The following PHEX variants were observed in gnomAD, a reference collection of about 807,000 sequenced individuals.
PHEX encodes phosphate regulating endopeptidase X-linked.
A neutral mutation model predicts 68.0 loss-of-function variants in PHEX; 16 were observed. That is an observed-to-expected ratio of 0.24 (90% confidence interval 0.16 to 0.36). The LOEUF (loss-of-function observed/expected upper bound fraction) is 0.36, where lower values mean the gene tolerates loss of function less well. PHEX is among the 10% of genes least tolerant of loss of function. The pLI is 1.00. For synonymous variants in PHEX, 208 were observed against 205.1 expected, an observed-to-expected ratio of 1.01 and a Z score of -0.12; for missense variants, 480 against 575.5, an observed-to-expected ratio of 0.83 and a Z score of 1.70.
intron 3 of PHEX, among the ~76,000 whole-genome samples, chrX:22,053,146 T>C (rs1389182269): frequency 8.9e-6 from 1 of 111,923 alleles, no homozygotes; most frequent in African/African-American, 3.2e-5. Context: ...GTAATGTCTA[T>C]CAAATGCTTT....
chrX:22,075,314 A>G (rs1266126277), intron 3 of PHEX, among the ~76,000 whole-genome samples: 1 of 85,021 alleles, frequency 1.2e-5, no homozygotes, highest in East Asian at 3.9e-4. Flanking sequence ...TTTGAACTGT[A>G]GAACTTCTGG....
At chrX:22,161,061 G>A (rs1232892073) in intron 12 of PHEX, among the ~76,000 whole-genome samples, 1 of 110,320 alleles carries the variant, frequency 9.1e-6, no homozygotes, top group Non-Finnish European at 1.9e-5. Flanking sequence ...GCTTGAACCC[G>A]AGAGGTGGAG....
intron 7 of PHEX, among the ~76,000 whole-genome samples, chrX:22,094,518 T>C (rs937099944): frequency 1.8e-5 from 2 of 112,417 alleles, no homozygotes; most frequent in Non-Finnish European, 3.8e-5. Flanking sequence ...TTTTATGCTA[T>C]CCCCACTCAG....
In PHEX at chrX:22,249,451, A is replaced by AT. The variant is rs1247898023; in HGVS notation, c.*1498_*1499insT. On this transcript the variant is annotated 3_prime_UTR_variant, in exon 22 of 22. Transcript: ENST00000379374. ...TGATTTGTGATTCTTTTAAAAAAAA[A>AT]AAAAATATATATATATATATATATA... The AT allele has an allele frequency of 8.1e-4, 23 of 28,488 alleles. No homozygotes were observed. The highest frequency in any genetic ancestry group is 3.7e-3 in the African/African-American group (18 of 4,807). The allele number at this position is 28,488 out of a possible 1,213,427, so 2.3% of individuals were successfully genotyped here.
Position 22,038,467 on chromosome X carries a change from A to G in PHEX, c.119-2A>G. ...GCCATTTATTGTGGTCTGTTTTTTCAGTGAGTCAAGGTCTCTTAAGTCTCC... is the reference window on the plus strand; with the variant it reads ...GCCATTTATTGTGGTCTGTTTTTTCGGTGAGTCAAGGTCTCTTAAGTCTCC... On this transcript the variant is annotated splice_acceptor_variant, in intron 1 of 21. Transcript: ENST00000379374. LOFTEE classifies it high-confidence loss of function. 8.4e-7 allele frequency: 1 copy of G among 1,183,743 alleles called. No homozygotes were observed. The highest frequency in any genetic ancestry group is 1.8e-5 in the African/African-American group (1 of 57,070).
intron 20 of PHEX, among the ~76,000 whole-genome samples, chrX:22,240,232 G>T (rs12010223): frequency 0.15 from 16,421 of 111,552 alleles, 1,101 homozygotes; most frequent in East Asian, 0.36. Context: ...CAAGAGCTCC[G>T]CAAAGAAGCA....
chrX:22,055,499 C>T (rs1435843263), intron 3 of PHEX, among the ~76,000 whole-genome samples: 1 of 110,931 alleles, frequency 9.0e-6, no homozygotes, highest in Non-Finnish European at 1.9e-5. Context: ...ACTAAAGAGG[C>T]CATCAGAGTG....
intron 2 of PHEX, among the ~76,000 whole-genome samples, chrX:22,040,904 A>G (rs1385709517): frequency 9.1e-6 from 1 of 110,002 alleles, no homozygotes; most frequent in Admixed American, 9.7e-5. Context: ...TTGATGGAGA[A>G]GAGACCATAG....
rs762585701 is a variant in PHEX, at chrX:22,187,921, C to T, written c.1587-2523C>T. Among the ~76,000 whole-genome samples the T allele has an allele frequency of 8.0e-5, 9 of 111,817 alleles. 1 individual carries two copies. The South Asian group carries it at 3.4e-3, about 42-fold the overall frequency. ...TCAGACAGACCAGGCCTCGTACAAGCACATAATGCTCATAAATCTCATTAT... is the reference window on the plus strand; with the variant it reads ...TCAGACAGACCAGGCCTCGTACAAGTACATAATGCTCATAAATCTCATTAT... On this transcript the variant is annotated intron_variant, in intron 14 of 21. Coordinates refer to ENST00000379374, the MANE Select transcript of PHEX (RefSeq NM_000444.6).
intron 1 of PHEX, among the ~76,000 whole-genome samples, chrX:22,036,006 A>G (rs1926988111): frequency 1.1e-5 from 1 of 92,652 alleles, no homozygotes; most frequent in Non-Finnish European, 2.1e-5. Context: ...TTATACACAC[A>G]CACACACACA....
At chrX:22,159,915 C>T (rs1179334579) in intron 12 of PHEX, among the ~76,000 whole-genome samples, 1 of 112,150 alleles carries the variant, frequency 8.9e-6, no homozygotes. Flanking sequence ...CAGAGAGATT[C>T]AGAAAATTCA....
At chrX:22,230,227 CTCTTTT>C (rs1272947998) in intron 20 of PHEX, among the ~76,000 whole-genome samples, 3 of 26,016 alleles carry the variant, frequency 1.2e-4, no homozygotes, top group East Asian at 2.4e-3. Context: ...GCTATATGGG[CTCTTTT>C]TTTTTTTTTT....
intron 11 of PHEX, among the ~76,000 whole-genome samples, chrX:22,121,638 A>C (rs746108128): frequency 5.3e-5 from 6 of 112,336 alleles, no homozygotes; most frequent in African/African-American, 1.9e-4. Flanking sequence ...AATCTAGTTA[A>C]AGCAGAGCAA....
chrX:22,196,969 T>G (rs1400632687), intron 15 of PHEX, among the ~76,000 whole-genome samples: 3 of 112,239 alleles, frequency 2.7e-5, no homozygotes, highest in Non-Finnish European at 5.6e-5. Context: ...CATACTTCAC[T>G]GGCTCTGCCT....
chrX:22,173,541 A>C (rs1413279545), intron 13 of PHEX, among the ~76,000 whole-genome samples: 1 of 110,385 alleles, frequency 9.1e-6, no homozygotes, highest in Admixed American at 9.6e-5. Flanking sequence ...TGCCATTACT[A>C]TTAATGCCAA....
At position 22,077,652 on chromosome X, in the gene PHEX, C is replaced by T. The variant is rs769878509; in HGVS notation, c.613C>T (p.Arg205Cys). Reference protein sequence around the residue: ...RGQYSNSVFIRLYVSPDDKAS... With the variant: ...RGQYSNSVFICLYVSPDDKAS... ...TCAATACAGCAATTCTGTGTTCATC[C>T]GTTTGTATGTGTCCCCTGATGACAA... is the stretch of plus-strand genomic sequence containing the variant. Residue 205 changes from arginine (R) to cysteine (C), a missense_variant, in exon 5 of 22, where the codon CGT becomes TGT. By Grantham distance (180) the Arg-to-Cys change is radical. Coordinates refer to ENST00000379374, the MANE Select transcript of PHEX (RefSeq NM_000444.6). 1.6e-5 allele frequency: 19 copies of T among 1,207,998 alleles called. No homozygotes were observed. The highest frequency in any genetic ancestry group is 1.3e-4 in the Admixed American group (6 of 45,660).
At chrX:22,221,557 G>C in intron 17 of PHEX, 56 bp from the exon 18 acceptor site, 17 of 1,067,672 alleles carry the variant, frequency 1.6e-5, no homozygotes, top group Non-Finnish European at 2.2e-5. Flanking sequence ...GGAAAGGAAA[G>C]ATGAATTTAG....
intron 5 of PHEX, among the ~76,000 whole-genome samples, chrX:22,079,857 A>G (rs1192867683): frequency 1.8e-5 from 2 of 111,667 alleles, no homozygotes; most frequent in Non-Finnish European, 1.9e-5. Context: ...AAGAAATAAT[A>G]GGAAGCTATC....
chrX:22,069,638 A>G (rs192158560), intron 3 of PHEX, among the ~76,000 whole-genome samples: 1 of 112,307 alleles, frequency 8.9e-6, no homozygotes, highest in East Asian at 2.8e-4. Context: ...TATCATTTAT[A>G]AGATCATAAA....
Sources: gnomAD v4.1 joint callset for allele counts (sites outside exome capture counted in the v4.1 genomes callset) on GRCh38, gnomAD v4.1.1 for gene constraint, MANE v1.5 for transcripts, NCBI Gene and HGNC (gene_info 2026-07-23, HGNC 2026-07-21) for gene names.